Variants in RPS6KA5 observed in about 807,000 individuals in gnomAD.
RPS6KA5 encodes the protein ribosomal protein S6 kinase A5, also known as ribosomal protein S6 kinase alpha-5.
In RPS6KA5, 27 loss-of-function variants were observed where a neutral mutation model predicts 85.5. The ratio of observed to expected loss-of-function variants is 0.32; its 90% CI spans 0.23 to 0.44. The LOEUF is 0.44. RPS6KA5 is among the 20% of genes least tolerant of loss of function. The pLI is 1.00. For synonymous variants in RPS6KA5, 334 were observed against 348.2 expected (o/e 0.96, Z 0.46); for missense variants, 811 against 980.9 (o/e 0.83, Z 2.31).
In RPS6KA5 at chr14:90,871,735, G is replaced by T; in HGVS notation, c.*339C>A. 1 of 192,776 alleles carries T rather than the reference G, an allele frequency of 5.2e-6. No individual in the cohort carries two copies. Among genetic ancestry groups the T allele is most frequent in the Non-Finnish European group, 1.1e-5 (1 of 92,864 alleles). The allele number at this position is 192,776 out of a possible 1,614,324, so 11.9% of individuals were successfully genotyped here. On this transcript the variant is annotated 3_prime_UTR_variant, in exon 17 of 17. Coordinates refer to ENST00000614987, the MANE Select transcript of RPS6KA5 (RefSeq NM_004755.4). ...AAAGCAAAAGGTATCATCACAGTAT[G>T]AGTCATTTCTTGTTGGCAGACATCT...
intron 3 of RPS6KA5, among the ~76,000 whole-genome samples, chr14:90,968,491 G>A (rs547222543): frequency 3.9e-5 from 6 of 152,198 alleles, no homozygotes; most frequent in Admixed American, 1.3e-4. Context: ...GGCATCTCTG[G>A]GAGGACATTA....
At chr14:90,938,809 C>A (rs560366058) in intron 5 of RPS6KA5, among the ~76,000 whole-genome samples, 1 of 152,326 alleles carries the variant, frequency 6.6e-6, no homozygotes, top group East Asian at 1.9e-4. Context: ...CCCAGAAAAC[C>A]ATTTTTTCCT....
At chr14:90,968,091 T>A (rs2039155385) in intron 3 of RPS6KA5, among the ~76,000 whole-genome samples, 1 of 152,208 alleles carries the variant, frequency 6.6e-6, no homozygotes. Context: ...AAAATCAAGG[T>A]GTCAGCAGGA....
chr14:90,906,083 C>T, intron 8 of RPS6KA5, 66 bp downstream of exon 8: 1 of 1,433,112 alleles, frequency 7.0e-7, no homozygotes, highest in Non-Finnish European at 9.4e-7. Flanking sequence ...CTAATTTCAC[C>T]AAGAACGCCA....
At chr14:91,032,726 G>A (rs1210726102) in intron 1 of RPS6KA5, among the ~76,000 whole-genome samples, 1 of 150,568 alleles carries the variant, frequency 6.6e-6, no homozygotes, top group Non-Finnish European at 1.5e-5. Context: ...GGGAAAGACA[G>A]AACACTTTCA....
intron 3 of RPS6KA5, among the ~76,000 whole-genome samples, chr14:90,969,137 A>T (rs888385642): frequency 1.3e-5 from 2 of 152,164 alleles, no homozygotes; most frequent in Non-Finnish European, 2.9e-5. Context: ...TAAACCAGTA[A>T]ATTTGTTTCT....
intron 7 of RPS6KA5, among the ~76,000 whole-genome samples, chr14:90,915,389 T>C (rs1044084843): frequency 1.4e-4 from 21 of 152,186 alleles, no homozygotes; most frequent in African/African-American, 5.1e-4. Flanking sequence ...ATCTTCCTAG[T>C]GGACTCTACT....
intron 12 of RPS6KA5, among the ~76,000 whole-genome samples, chr14:90,899,018 G>C (rs932610107): frequency 1.8e-4 from 27 of 152,044 alleles, no homozygotes; most frequent in African/African-American, 6.0e-4. Flanking sequence ...GGGTAGAAGC[G>C]GCACTGGCAA....
chr14:90,896,586 C>T (rs1311030659), intron 12 of RPS6KA5, among the ~76,000 whole-genome samples: 1 of 152,078 alleles, frequency 6.6e-6, no homozygotes, highest in Non-Finnish European at 1.5e-5. Context: ...ACCCTGGAGG[C>T]AAGATCTTAG....
intron 14 of RPS6KA5, among the ~76,000 whole-genome samples, chr14:90,881,083 C>T (rs899810298): frequency 3.3e-5 from 5 of 151,938 alleles, no homozygotes; most frequent in African/African-American, 9.7e-5. Flanking sequence ...GATCCTCCTG[C>T]CTCAGCCTCC....
chr14:90,989,547 CTTCA>C (rs1200086894), intron 2 of RPS6KA5, among the ~76,000 whole-genome samples: 1 of 152,184 alleles, frequency 6.6e-6, no homozygotes, highest in African/African-American at 2.4e-5. Context: ...TCATGCTGCA[CTTCA>C]TTATTAGAAT....
At chr14:90,876,470 GATT>G (rs2033486085) in intron 14 of RPS6KA5, among the ~76,000 whole-genome samples, 1 of 152,082 alleles carries the variant, frequency 6.6e-6, no homozygotes, top group South Asian at 2.1e-4. Flanking sequence ...CTATGTTTAA[GATT>G]TTCCCCTTTA....
rs1279717411 is a variant in RPS6KA5 at position 91,015,851 on chromosome 14, ATAATC to A, written c.104-14697_104-14693del. 2.6e-5 allele frequency among the ~76,000 whole-genome samples: 4 copies of A among 152,240 alleles called. 1 individual carries two copies. Among genetic ancestry groups the A allele is most frequent in the African/African-American group, 7.2e-5 (3 of 41,466 alleles). On this transcript the variant is annotated intron_variant, in intron 1 of 16. Transcript: ENST00000614987. ...AAAAAATGTTAACTCAGTGAGCTAT[ATAATC>A]TAATACTATGAAAACTGGTGACCAA...
chr14:90,889,218 C>T (rs543210610), intron 14 of RPS6KA5, among the ~76,000 whole-genome samples: 12 of 140,074 alleles, frequency 8.6e-5, no homozygotes, highest in South Asian at 7.0e-4. Flanking sequence ...CGCTTGAATC[C>T]GGGAGGCGGA....
At chr14:91,029,696 A>G (rs2042112229) in intron 1 of RPS6KA5, among the ~76,000 whole-genome samples, 1 of 152,250 alleles carries the variant, frequency 6.6e-6, no homozygotes, top group Non-Finnish European at 1.5e-5. Context: ...CTTAAAATAC[A>G]ATTTAAAAAT....
At chr14:90,944,647 C>T (rs966971951) in intron 4 of RPS6KA5, among the ~76,000 whole-genome samples, 3 of 151,526 alleles carry the variant, frequency 2.0e-5, no homozygotes, top group South Asian at 2.1e-4. Flanking sequence ...CCCAGCTACT[C>T]GGGAGGCTGA....
chr14:91,014,512 A>C (rs2041399975), intron 1 of RPS6KA5, among the ~76,000 whole-genome samples: 2 of 151,686 alleles, frequency 1.3e-5, no homozygotes, highest in East Asian at 1.9e-4. Context: ...AAAAAAAAAA[A>C]AAACAAAAAA....
intron 14 of RPS6KA5, among the ~76,000 whole-genome samples, chr14:90,876,111 T>A (rs1455041975): frequency 6.6e-6 from 1 of 152,192 alleles, no homozygotes; most frequent in African/African-American, 2.4e-5. Context: ...CAAAGACTTG[T>A]AAACCAGTGG....
In RPS6KA5 at chr14:90,925,976, GA is replaced by G. The variant is rs1195319823; in HGVS notation, c.619-2781del. On this transcript the variant is annotated intron_variant, in intron 5 of 16. Transcript: ENST00000614987. The stretch of plus-strand genomic sequence containing the variant: ...AAAAAAAAAAAAGAAAAGAAAAGAA[GA>G]AAAAGAATCAAATAGAGCTGTGCAA... Among the ~76,000 whole-genome samples, 13 of 143,644 alleles carry G rather than the reference GA, an allele frequency of 9.1e-5. No individual in the cohort carries two copies. In the South Asian group the frequency reaches 2.9e-3, roughly 32 times the overall value. The allele number at this position is 143,644 out of a possible 152,430, so 94.2% of individuals were successfully genotyped here. A position where few individuals can be genotyped will look rare whatever the true frequency, so the allele number is the denominator to read the frequency against.
Sources: gnomAD v4.1 joint callset for allele counts (sites outside exome capture counted in the v4.1 genomes callset) on GRCh38, gnomAD v4.1.1 for gene constraint, MANE v1.5 for transcripts, NCBI Gene and HGNC (gene_info 2026-07-23, HGNC 2026-07-21) for gene names.